ITGB4: variants seen among roughly 807,000 people sequenced by gnomAD.
The protein encoded by ITGB4 is integrin subunit beta 4, also known as integrin beta-4.
In ITGB4, 159 loss-of-function variants were observed where a neutral mutation model predicts 207.6. The ratio of observed to expected loss-of-function variants is 0.77; its 90% CI spans 0.67 to 0.87. The LOEUF (loss-of-function observed/expected upper bound fraction) is 0.87. Among genes scored for constraint, ITGB4 ranks in the 40% least tolerant of loss-of-function variants. ITGB4 has a pLI of 0.00. For synonymous variants in ITGB4, 1,020 were observed against 1,062.7 expected (o/e 0.96, Z 0.78); for missense variants, 2,278 against 2,546.8 (o/e 0.89, Z 2.27).
intron 13 of ITGB4, among the ~76,000 whole-genome samples, chr17:75,735,412 CTTTTT>C (rs71361693): frequency 3.9e-5 from 4 of 102,842 alleles, no homozygotes; most frequent in Non-Finnish European, 7.5e-5. Flanking sequence ...TTTTTCTTTT[CTTTTT>C]TTTTTTTTTT....
At chr17:75,755,905 A>C in intron 35 of ITGB4, 55 bp downstream of exon 35, 1 of 1,573,792 alleles carries the variant, frequency 6.4e-7, no homozygotes, top group Non-Finnish European at 8.6e-7. Context: ...GCCTGGCCCC[A>C]GTGTGACACA....
intron 13 of ITGB4, among the ~76,000 whole-genome samples, chr17:75,735,657 C>T (rs2060960322): frequency 6.6e-6 from 1 of 151,974 alleles, no homozygotes; most frequent in Admixed American, 6.5e-5. Flanking sequence ...GTGATCTGCC[C>T]GCCTCAGCCT....
In ITGB4 at chr17:75,757,145, C is replaced by G. The variant is rs373495305; in HGVS notation, c.5218+38C>G. The stretch of plus-strand genomic sequence containing the variant: ...CCTTTCCTTCACCCCCACCCCTCCT[C>G]GGGCCGTGCCTCCTTCTGGCACCAC... On this transcript the variant is annotated intron_variant, in intron 38 of 39. Transcript: ENST00000200181. The G allele has an allele frequency of 2.5e-6, 4 of 1,612,648 alleles. No homozygotes were observed. The African/African-American group carries it at 4.0e-5, about 16-fold the overall frequency.
At chr17:75,724,864 T>A in intron 2 of ITGB4, 82 bp downstream of exon 2, 1 of 1,186,428 alleles carries the variant, frequency 8.4e-7, no homozygotes, top group Non-Finnish European at 1.2e-6. Flanking sequence ...GATCTCACGG[T>A]GTCTCACCTA....
rs1365848762 is a variant in ITGB4 at position 75,729,186 on chromosome 17, A to G, written c.567-79A>G. The G allele has an allele frequency of 1.3e-5, 18 of 1,335,374 alleles. No individual in the cohort carries two copies. Among genetic ancestry groups the G allele is most frequent in the Non-Finnish European group, 1.9e-5 (18 of 960,292 alleles). The allele number at this position is 1,335,374 out of a possible 1,614,324, so 82.7% of individuals were successfully genotyped here. A position where few individuals can be genotyped will look rare whatever the true frequency, so the allele number is the denominator to read the frequency against. On this transcript the variant is annotated intron_variant, in intron 6 of 39. Coordinates refer to ENST00000200181, the MANE Select transcript of ITGB4 (RefSeq NM_000213.5). The surrounding 1 kb of genome is among the most constrained non-coding windows in gnomAD (Gnocchi z 4.4). ...AAAAAAAAAAAAAAATTCTCCTTCT[A>G]GTTGAAACGAGCCAGGGGCACTGGG... is the stretch of plus-strand genomic sequence containing the variant.
intron 34 of ITGB4, 127 bp from the exon 35 acceptor site, chr17:75,755,574 T>C: frequency 8.3e-7 from 1 of 1,208,482 alleles, no homozygotes; most frequent in Non-Finnish European, 1.2e-6. Flanking sequence ...GCAGGGTGAG[T>C]GAGTTGTCCA....
In ITGB4 at chr17:75,739,561, G is replaced by A; in HGVS notation, c.2221-111G>A. The A allele has an allele frequency of 8.4e-7, 1 of 1,187,310 alleles. No homozygotes were observed. Among genetic ancestry groups the A allele is most frequent in the East Asian group, 2.3e-5 (1 of 42,770 alleles). The allele number at this position is 1,187,310 out of a possible 1,614,324, so 73.5% of individuals were successfully genotyped here. On this transcript the variant is annotated intron_variant, in intron 18 of 39. Transcript: ENST00000200181. This position sits in a 1 kb window ranked among gnomAD's most constrained non-coding sequence, Gnocchi z 5.4. ...ACCACCTGGATATTCTGGTGTCTGG[G>A]GAGGCACTGTCACCCCTCTTGACCA...
At position 75,750,908 on chromosome 17, in the gene ITGB4, C is replaced by T. The variant is rs1206085298; in HGVS notation, c.3655+48C>T. On this transcript the variant is annotated intron_variant, in intron 29 of 39. Transcript: ENST00000200181. The surrounding 1 kb of genome is among the most constrained non-coding windows in gnomAD (Gnocchi z 5.5). ...CATTTGTCCCCTGGCTGCCCTGATG[C>T]CAGCATGCCCAGACCTCCCTCCCTC... The T allele has an allele frequency of 6.2e-7, 1 of 1,613,080 alleles. No individual in the cohort carries two copies. The highest frequency in any genetic ancestry group is 1.1e-5 in the South Asian group (1 of 91,072).
In ITGB4 at chr17:75,742,443, C is replaced by G; in HGVS notation, c.2736C>G (p.His912Gln). The change falls in exon 24 of 40, where the codon CAC (histidine) becomes CAG (glutamine). Residue 912 changes from histidine (H) to glutamine (Q), a missense_variant. Physicochemically the swap from His to Gln is conservative, Grantham distance 24 (BLOSUM62 0). Coordinates refer to ENST00000200181, the MANE Select transcript of ITGB4 (RefSeq NM_000213.5). The surrounding 1 kb of genome is among the most constrained non-coding windows in gnomAD (Gnocchi z 5.9). Reference sequence around the variant, plus strand: ...AGCAGGTGGAACAGAGGGCCTTCCACGACCTCAAGGTGGCCCCCGGCTACT... The same window carrying G: ...AGCAGGTGGAACAGAGGGCCTTCCAGGACCTCAAGGTGGCCCCCGGCTACT... Reference protein sequence around the residue: ...TEKQVEQRAFHDLKVAPGYYT... With the variant: ...TEKQVEQRAFQDLKVAPGYYT... 6 of 1,613,158 alleles carry G rather than the reference C, an allele frequency of 3.7e-6. No homozygotes were observed. In the East Asian group the frequency reaches 1.1e-4, roughly 30 times the overall value.
Position 75,742,485 on chromosome 17 carries a change from C to T in ITGB4, c.2778C>T (p.Asp926=). ...CCGGCTACTACACCCTCACTGCAGA[C>T]CAGGGTAGGAGGGCGGGTCCGCTGT... is the stretch of plus-strand genomic sequence containing the variant. ...VAPGYYTLTA[D]QDARGMVEFQ... Residue 926 remains aspartate (D), a synonymous_variant, in exon 24 of 40, where the codon GAC becomes GAT. Transcript: ENST00000200181. The surrounding 1 kb of genome is among the most constrained non-coding windows in gnomAD (Gnocchi z 5.9). 6.2e-7 allele frequency: 1 copy of T among 1,613,132 alleles called. No homozygotes were observed. The highest frequency in any genetic ancestry group is 1.1e-5 in the South Asian group (1 of 91,038).
Position 75,742,354 on chromosome 17 carries a change from A to G in ITGB4, c.2647A>G (p.Ile883Val). Residue 883 changes from isoleucine (I) to valine (V), a missense_variant, in exon 24 of 40, where the codon ATT (isoleucine) becomes GTT (valine). Physicochemically the swap from Ile to Val is conservative, Grantham distance 29. Transcript: ENST00000200181. The surrounding 1 kb of genome is among the most constrained non-coding windows in gnomAD (Gnocchi z 5.9). The part of the protein sequence containing the change: ...PNAGKKQDHT[I>V]VDTVLMAPRS... Reference sequence around the variant, plus strand: ...CCCTCGACCCAGGCAAGACCACACCATTGTGGACACAGTGCTGATGGCGCC... The same window carrying G: ...CCCTCGACCCAGGCAAGACCACACCGTTGTGGACACAGTGCTGATGGCGCC... 3.7e-6 allele frequency: 6 copies of G among 1,613,376 alleles called. No individual in the cohort carries two copies. Among genetic ancestry groups the G allele is most frequent in the Non-Finnish European group, 5.1e-6 (6 of 1,180,040 alleles).
At position 75,732,306 on chromosome 17, in the gene ITGB4, C is replaced by A; in HGVS notation, c.1454+67C>A. 6.7e-7 allele frequency: 1 copy of A among 1,499,954 alleles called. No homozygotes were observed. The highest frequency in any genetic ancestry group is 9.3e-7 in the Non-Finnish European group (1 of 1,077,926). 92.9% of individuals were successfully genotyped at this position (1,499,954 alleles called of 1,614,324 possible). The stretch of plus-strand genomic sequence containing the variant: ...CCCTGATGGGAAAGCTGGGCTCCTG[C>A]AGGGGCCTGGCCCTGGGTGCACCTT... On this transcript the variant is annotated intron_variant, in intron 12 of 39. Coordinates refer to ENST00000200181, the MANE Select transcript of ITGB4 (RefSeq NM_000213.5). This position sits in a 1 kb window ranked among gnomAD's most constrained non-coding sequence, Gnocchi z 5.3.
At position 75,733,620 on chromosome 17, in the gene ITGB4, G is replaced by C; in HGVS notation, c.1585G>C (p.Gly529Arg). 1 of 1,614,200 alleles carries C rather than the reference G, an allele frequency of 6.2e-7. No homozygotes were observed. The highest frequency in any genetic ancestry group is 8.5e-7 in the Non-Finnish European group (1 of 1,180,050). ...QCGHCVCYGE[G>R]RYEGQFCEYD... Reference sequence around the variant, plus strand: ...CGGGCACTGTGTGTGCTACGGCGAAGGCCGCTACGAGGGTCAGTTCTGCGA... The same window carrying C: ...CGGGCACTGTGTGTGCTACGGCGAACGCCGCTACGAGGGTCAGTTCTGCGA... The change falls in exon 13 of 40, where the codon GGC becomes CGC. Residue 529 changes from glycine to arginine, a missense_variant. Coordinates refer to ENST00000200181, the MANE Select transcript of ITGB4 (RefSeq NM_000213.5).
rs1472058300 is a variant in ITGB4, at chr17:75,748,889, T to C, written c.3160T>C (p.Trp1054Arg). 1.9e-6 allele frequency: 3 copies of C among 1,612,880 alleles called. No homozygotes were observed. The highest frequency in any genetic ancestry group is 2.2e-5 in the South Asian group (2 of 90,958). ...GCTGCTGTTCCAGCCTGGGGAGGCC[T>C]GGAAAGAGCTGCAGGTGAAGCTCCT... ...GELLFQPGEA[W>R]KELQVKLLEL... Residue 1054 changes from tryptophan to arginine, a missense_variant, in exon 27 of 40, where the codon TGG (tryptophan) becomes CGG (arginine). Trp to Arg is a moderately radical substitution (Grantham distance 101, BLOSUM62 -3). Transcript: ENST00000200181.
At position 75,727,678 on chromosome 17, in the gene ITGB4, C is replaced by T. The variant is rs761940483; in HGVS notation, c.292C>T (p.Arg98Cys). 11 of 1,609,658 alleles carry T rather than the reference C, an allele frequency of 6.8e-6. No individual in the cohort carries two copies. Among genetic ancestry groups the T allele is most frequent in the African/African-American group, 2.7e-5 (2 of 74,852 alleles). Residue 98 changes from arginine (R) to cysteine (C), a missense_variant, in exon 5 of 40, where the codon CGC becomes TGC. Physicochemically the swap from Arg to Cys is radical, Grantham distance 180. Transcript: ENST00000200181. This position sits in a 1 kb window ranked among gnomAD's most constrained non-coding sequence, Gnocchi z 6.0. ...GACCCAGATTGACACCACCCTGCGG[C>T]GCAGCCAGATGTCCCCCCAAGGCCT... ...EETQIDTTLR[R>C]SQMSPQGLRV... is the part of the protein sequence containing the mutation.
Position 75,727,450 on chromosome 17 carries a change from C to T in ITGB4, c.209C>T (p.Ala70Val), listed in dbSNP as rs747831589. The T allele has an allele frequency of 2.2e-5, 35 of 1,613,848 alleles. No homozygotes were observed. The Admixed American group carries it at 3.3e-4, about 15-fold the overall frequency. The change falls in exon 4 of 40, where the codon GCG becomes GTG. Residue 70 changes from alanine to valine, a missense_variant. By Grantham distance (64) the Ala-to-Val change is moderately conservative. Coordinates refer to ENST00000200181, the MANE Select transcript of ITGB4 (RefSeq NM_000213.5). This position sits in a 1 kb window ranked among gnomAD's most constrained non-coding sequence, Gnocchi z 6.0. ...RCNTQAELLA[A>V]GCQRESIVVM... is the part of the protein sequence containing the mutation. ...AACACCCAGGCGGAGCTGCTGGCCGCGGGCTGCCAGCGGGAGAGCATCGTG... is the reference window on the plus strand; with the variant it reads ...AACACCCAGGCGGAGCTGCTGGCCGTGGGCTGCCAGCGGGAGAGCATCGTG...
In ITGB4 at chr17:75,736,585, G is replaced by A. The variant is rs1277663796; in HGVS notation, c.1881G>A (p.Glu627=). Residue 627 remains glutamate, a synonymous_variant, in exon 16 of 40, where the codon GAG becomes GAA. Transcript: ENST00000200181. The part of the protein sequence containing the change: ...NYSAIHPGLC[E]DLRSCVQCQA... The stretch of plus-strand genomic sequence containing the variant: ...CCAAGATCCACCCGGGCCTCTGCGA[G>A]GACCTACGCTCCTGCGTGCAGTGCC... 3 of 1,601,788 alleles carry A rather than the reference G, an allele frequency of 1.9e-6. No homozygotes were observed. The highest frequency in any genetic ancestry group is 2.6e-6 in the Non-Finnish European group (3 of 1,174,710).
intron 13 of ITGB4, among the ~76,000 whole-genome samples, chr17:75,734,361 C>T (rs958323620): frequency 5.3e-5 from 8 of 152,010 alleles, no homozygotes; most frequent in African/African-American, 1.9e-4. Context: ...GTCTCGAACT[C>T]CTGACCTCAG....
At chr17:75,754,343 G>A (rs2061437237) in intron 33 of ITGB4, 1 of 609,016 alleles carries the variant, frequency 1.6e-6, no homozygotes. Context: ...GGTCAGCAGT[G>A]CTCACACCGA....
Sources: gnomAD v4.1 joint callset for allele counts (sites outside exome capture counted in the v4.1 genomes callset) on GRCh38, gnomAD v4.1.1 for gene constraint, Gnocchi (gnomAD v3.1) non-coding constraint, MANE v1.5 for transcripts, NCBI Gene and HGNC (gene_info 2026-07-23, HGNC 2026-07-21) for gene names.